The following EVC variants were observed in gnomAD, a reference collection of about 807,000 sequenced individuals.
EVC encodes the protein EvC ciliary complex subunit 1.
A neutral mutation model predicts 118.9 loss-of-function variants in EVC; 116 were observed. The ratio of observed to expected loss-of-function variants is 0.98; its 90% CI spans 0.84 to 1.14. The LOEUF is 1.14. EVC is among the 50% of genes most tolerant of loss of function. The probability of loss-of-function intolerance (pLI) is 0.00; values close to 1 mark genes in which losing one functional copy is unlikely to be tolerated. For synonymous variants in EVC, 619 were observed against 534.7 expected, an observed-to-expected ratio of 1.16 and a Z score of -2.18; for missense variants, 1,401 against 1,246.4, an observed-to-expected ratio of 1.12 and a Z score of -1.87.
At chr4:5,800,190 C>T (rs772735266) in intron 15 of EVC, among the ~76,000 whole-genome samples, 2 of 152,010 alleles carry the variant, frequency 1.3e-5, no homozygotes, top group Non-Finnish European at 2.9e-5. Flanking sequence ...ACTAAAAATA[C>T]AAAAATTAGC....
At position 5,729,227 on chromosome 4, in the gene EVC, G is replaced by A. The variant is rs2276875; in HGVS notation, c.301-80G>A. 0.22 allele frequency: 286,161 copies of A among 1,298,048 alleles called. 35,181 individuals carry two copies. Among genetic ancestry groups the A allele is most frequent in the Non-Finnish European group, 0.26 (230,081 of 892,204 alleles). 80.4% of individuals were successfully genotyped at this position (1,298,048 alleles called of 1,614,324 possible). ...CTGAGGCTGCTATTACAAATGGGAT[G>A]TGGCATTTTGGAAAAACTTGACAAC... is the stretch of plus-strand genomic sequence containing the variant. On this transcript the variant is annotated intron_variant, in intron 2 of 20. Transcript: ENST00000264956.
At chr4:5,796,066 C>T (rs112026565) in intron 13 of EVC, among the ~76,000 whole-genome samples, 2 of 152,290 alleles carry the variant, frequency 1.3e-5, no homozygotes, top group African/African-American at 4.8e-5. Context: ...GCCACTCTCT[C>T]TTCAGCCATA....
chr4:5,767,965 C>T (rs190006250), intron 11 of EVC, among the ~76,000 whole-genome samples: 5 of 152,336 alleles, frequency 3.3e-5, no homozygotes, highest in Admixed American at 3.3e-4. Context: ...CTTCCTCAGT[C>T]TGCTAACCAG....
At chr4:5,828,581 C>T in the EVC span, 13 of 1,614,202 alleles carry the variant, frequency 8.1e-6, no homozygotes, top group Non-Finnish European at 1.1e-5. Context: ...TTGATGTTTC[C>T]GTCTTCAAAG....
chr4:5,761,592 G>A (rs10004133), intron 11 of EVC, among the ~76,000 whole-genome samples: 115,910 of 150,778 alleles, frequency 0.77, 44,691 homozygotes, highest in East Asian at 0.82. Flanking sequence ...TACAGTTTAC[G>A]TAAGATCAGG....
Position 5,808,289 on chromosome 4 carries a change from A to G in EVC, c.2650A>G (p.Met884Val), listed in dbSNP as rs1716328866. ...CGCCCAGCAGCAGCAGGCAGGAGTC[A>G]TGGACCTTCTGGAAGCCCAGCTGGA... ...LHAQQQQAGV[M>V]DLLEAQLETQ... Residue 884 changes from methionine to valine, a missense_variant, in exon 18 of 21, where the codon ATG (methionine) becomes GTG (valine). Physicochemically the swap from Met to Val is conservative, Grantham distance 21. Transcript: ENST00000264956. 2.5e-6 allele frequency: 4 copies of G among 1,614,072 alleles called. No homozygotes were observed. The highest frequency in any genetic ancestry group is 1.3e-5 in the African/African-American group (1 of 74,914).
chr4:5,824,742 C>T, the EVC span: 3 of 985,106 alleles, frequency 3.0e-6, no homozygotes, highest in Admixed American at 1.8e-4. Context: ...GAAAAAAAAT[C>T]ACCATACTCT....
At position 5,812,433 on chromosome 4, in the gene EVC, C is replaced by G. The variant is rs537838694; in HGVS notation, c.*1396C>G. ...CTGGAGAGAAGCTTCAGGCCAGCTC[C>G]TCACACCACAGCCAGGAGAGACCTT... is the stretch of plus-strand genomic sequence containing the variant. On this transcript the variant is annotated 3_prime_UTR_variant, in exon 21 of 21. Transcript: ENST00000264956. 1.3e-4 allele frequency: 22 copies of G among 169,866 alleles called. No homozygotes were observed. In the South Asian group the frequency reaches 2.9e-3, roughly 23 times the overall value. The allele number at this position is 169,866 out of a possible 1,614,324, so 10.5% of individuals were successfully genotyped here. A position where few individuals can be genotyped will look rare whatever the true frequency, so the allele number is the denominator to read the frequency against.
intron 15 of EVC, among the ~76,000 whole-genome samples, chr4:5,799,803 C>A (rs1714650056): frequency 6.6e-6 from 1 of 152,210 alleles, no homozygotes; most frequent in South Asian, 2.1e-4. Flanking sequence ...CTGCAACACC[C>A]TGTCTTATTC....
chr4:5,762,197 C>T lies in EVC; in HGVS notation c.1563+5835C>T, dbSNP rs1732163093. 1.7e-5 allele frequency among the ~76,000 whole-genome samples: 2 copies of T among 119,812 alleles called. 1 individual carries two copies. Among genetic ancestry groups the T allele is most frequent in the Non-Finnish European group, 3.7e-5 (2 of 54,114 alleles). 78.6% of individuals were successfully genotyped at this position (119,812 alleles called of 152,430 possible). A position where few individuals can be genotyped will look rare whatever the true frequency, so the allele number is the denominator to read the frequency against. ...ATAGTTTACTGAGAATGATGATTTC[C>T]AATTTCATCCATGTCCCTACAAAGG... On this transcript the variant is annotated intron_variant, in intron 11 of 20. Transcript: ENST00000264956.
chr4:5,825,871 A>AGAC, the EVC span: 11 of 549,104 alleles, frequency 2.0e-5, no homozygotes, highest in Non-Finnish European at 2.9e-5. This position sits in a 1 kb window ranked among gnomAD's most constrained non-coding sequence, Gnocchi z 4.4. Context: ...ATACACACAC[A>AGAC]TCTACATACC....
intron 12 of EVC, among the ~76,000 whole-genome samples, chr4:5,786,871 CAA>C (rs375303542): frequency 8.4e-5 from 8 of 95,156 alleles, no homozygotes; most frequent in African/African-American, 1.3e-4. Context: ...GACTCCGTCT[CAA>C]AAAAAAAAAA....
Position 5,789,268 on chromosome 4 carries a change from T to C in EVC, c.1777-4340T>C, listed in dbSNP as rs1712305002. On this transcript the variant is annotated intron_variant, in intron 12 of 20. Coordinates refer to ENST00000264956, the MANE Select transcript of EVC (RefSeq NM_153717.3). The surrounding 1 kb of genome is among the most constrained non-coding windows in gnomAD (Gnocchi z 4.3). ...TCGCCACACTCTGCAAAGCCCACCATGTCAGGCCCTGGCTGCCCTCTGACC... is the reference window on the plus strand; with the variant it reads ...TCGCCACACTCTGCAAAGCCCACCACGTCAGGCCCTGGCTGCCCTCTGACC... 6.6e-6 allele frequency among the ~76,000 whole-genome samples: 1 copy of C among 152,156 alleles called. No homozygotes were observed. The highest frequency in any genetic ancestry group is 2.4e-5 in the African/African-American group (1 of 41,444).
At chr4:5,761,185 G>C (rs535288441) in intron 11 of EVC, among the ~76,000 whole-genome samples, 1 of 152,012 alleles carries the variant, frequency 6.6e-6, no homozygotes, top group African/African-American at 2.4e-5. Flanking sequence ...TGGGTGTGCC[G>C]AGGAGAGCAG....
At chr4:5,804,959 ATCGG>A (rs1398594626) in intron 17 of EVC, 118 bp downstream of exon 17, 8 of 887,010 alleles carry the variant, frequency 9.0e-6, no homozygotes, top group South Asian at 8.4e-5. Flanking sequence ...CTTGGGGGCC[ATCGG>A]CCTTCCTCAC....
In EVC at chr4:5,755,360, G is replaced by A. The variant is rs994506298; in HGVS notation, c.1465-904G>A. 1.3e-5 allele frequency among the ~76,000 whole-genome samples: 2 copies of A among 152,144 alleles called. No homozygotes were observed. Among genetic ancestry groups the A allele is most frequent in the African/African-American group, 2.4e-5 (1 of 41,432 alleles). On this transcript the variant is annotated intron_variant, in intron 10 of 20. Transcript: ENST00000264956. The surrounding 1 kb of genome is among the most constrained non-coding windows in gnomAD (Gnocchi z 4.1). ...TTCAGGACACGTGGGACGCAGGCAG[G>A]GAAGGGTGAATGAGCGCATGCGTGC...
intron 1 of EVC, among the ~76,000 whole-genome samples, chr4:5,714,163 G>A (rs1328337191): frequency 1.3e-5 from 2 of 152,028 alleles, no homozygotes; most frequent in Admixed American, 1.3e-4. Context: ...TCTTAACTAG[G>A]GAAGCCTTAA....
intron 11 of EVC, among the ~76,000 whole-genome samples, chr4:5,759,872 GAC>G (rs1009740459): frequency 3.0e-4 from 45 of 152,198 alleles, no homozygotes; most frequent in Admixed American, 3.9e-4. Flanking sequence ...AGGGGGTCCG[GAC>G]ACAGCGTGGT....
At chr4:5,724,516 G>A (rs774207838) in intron 2 of EVC, among the ~76,000 whole-genome samples, 18 of 152,264 alleles carry the variant, frequency 1.2e-4, no homozygotes, top group East Asian at 5.8e-4. Context: ...TAAAGAGGGC[G>A]GACCTGGGGC....
Sources: allele counts gnomAD v4.1 joint callset (sites outside exome capture counted in the v4.1 genomes callset), GRCh38; gene constraint gnomAD v4.1.1; non-coding constraint Gnocchi (gnomAD v3.1); transcripts MANE v1.5; gene names NCBI Gene and HGNC (gene_info 2026-07-23, HGNC 2026-07-21).